Variants in HIVEP3 observed in about 807,000 individuals in gnomAD.
HIVEP3 encodes transcription factor HIVEP3.
In HIVEP3, 49 loss-of-function variants were observed where a neutral mutation model predicts 152.8. The observed-to-expected ratio is 0.32, with a 90% confidence interval of 0.26 to 0.41. The LOEUF is 0.41. Among genes scored for constraint, HIVEP3 ranks in the 10% least tolerant of loss-of-function variants. The pLI is 1.00. For missense variants in HIVEP3, 2,790 were observed against 3,103.3 expected (o/e 0.90, Z 2.40); for synonymous variants, 1,269 against 1,289.0 (o/e 0.98, Z 0.33).
intron 1 of HIVEP3, among the ~76,000 whole-genome samples, chr1:41,761,689 ATAAG>A (rs1647693438): frequency 6.6e-6 from 1 of 151,820 alleles, no homozygotes; most frequent in Admixed American, 6.6e-5. Flanking sequence ...GTATGAGTAA[ATAAG>A]TGTGTGTGTG....
At chr1:41,765,043 T>C (rs1249847993) in intron 1 of HIVEP3, among the ~76,000 whole-genome samples, 1 of 152,214 alleles carries the variant, frequency 6.6e-6, no homozygotes, top group African/African-American at 2.4e-5. Flanking sequence ...AACCTCAGAG[T>C]GCACAGCACC....
intron 1 of HIVEP3, among the ~76,000 whole-genome samples, chr1:41,915,880 C>T (rs549141957): frequency 4.6e-5 from 7 of 152,240 alleles, no homozygotes; most frequent in South Asian, 4.2e-4. Flanking sequence ...CAGCCCTGCC[C>T]GCCTAGTGCA....
In HIVEP3 at chr1:41,734,322, T is replaced by C. The variant is rs188334388; in HGVS notation, c.-800-33327A>G. On this transcript the variant is annotated intron_variant, in intron 1 of 8. Transcript: ENST00000372583. The stretch of plus-strand genomic sequence containing the variant: ...CATCTGAAAAACGGAGCAGACACCT[T>C]CTGCACAGGTTAACTAAAGAACCAG... Among the ~76,000 whole-genome samples the C allele has an allele frequency of 2.4e-3, 358 of 152,324 alleles. 2 individuals are homozygous for C. Among genetic ancestry groups the C allele is most frequent in the African/African-American group, 8.1e-3 (338 of 41,570 alleles).
chr1:41,886,163 T>C (rs777705379), intron 1 of HIVEP3, among the ~76,000 whole-genome samples: 2 of 152,208 alleles, frequency 1.3e-5, no homozygotes, highest in South Asian at 2.1e-4. Flanking sequence ...CTCATGTTCA[T>C]ATTGAATGGT....
At chr1:41,719,165 G>C (rs1466713035) in intron 1 of HIVEP3, among the ~76,000 whole-genome samples, 1 of 152,224 alleles carries the variant, frequency 6.6e-6, no homozygotes, top group Non-Finnish European at 1.5e-5. Context: ...CCTGGAGGAG[G>C]AGAGAGAGGA....
intron 3 of HIVEP3, among the ~76,000 whole-genome samples, chr1:41,615,053 G>A (rs992803551): frequency 9.9e-5 from 15 of 152,062 alleles, no homozygotes; most frequent in African/African-American, 3.1e-4. Context: ...TTTGGGAAAC[G>A]TTGTGCCATT....
intron 1 of HIVEP3, among the ~76,000 whole-genome samples, chr1:41,876,668 G>A (rs1053626364): frequency 2.0e-5 from 3 of 152,020 alleles, no homozygotes; most frequent in Admixed American, 2.0e-4. Context: ...TCCCAGCATT[G>A]TCTCTTTAAA....
At chr1:41,699,744 T>C (rs138169510) in intron 2 of HIVEP3, among the ~76,000 whole-genome samples, 82 of 152,182 alleles carry the variant, frequency 5.4e-4, no homozygotes, top group African/African-American at 1.8e-3. Context: ...TGGGCCCCTA[T>C]TGAGGTTCTG....
At chr1:41,551,124 T>C (rs1011830817) in intron 5 of HIVEP3, among the ~76,000 whole-genome samples, 9 of 152,256 alleles carry the variant, frequency 5.9e-5, no homozygotes, top group African/African-American at 2.2e-4. Flanking sequence ...TCTGCATCTA[T>C]TGAGATAATC....
chr1:41,702,737 G>T (rs1646381444), intron 1 of HIVEP3, among the ~76,000 whole-genome samples: 1 of 152,182 alleles, frequency 6.6e-6, no homozygotes, highest in African/African-American at 2.4e-5. Flanking sequence ...CTAGCACAAG[G>T]CCGGTCTCCC....
chr1:41,782,694 T>C lies in HIVEP3; in HGVS notation c.-800-81699A>G, dbSNP rs373019896. Among the ~76,000 whole-genome samples the C allele has an allele frequency of 8.2e-5, 12 of 146,584 alleles. No homozygotes were observed. The South Asian group carries it at 2.6e-3, about 31-fold the overall frequency. On this transcript the variant is annotated intron_variant, in intron 1 of 8. Coordinates refer to ENST00000372583, the MANE Select transcript of HIVEP3 (RefSeq NM_024503.5). The stretch of plus-strand genomic sequence containing the variant: ...TTGCAGTGAGCTGAGACCAAGCCAT[T>C]GCACTCCAGCCTGGGCAACAGAGCA...
Position 41,510,932 on chromosome 1 carries a change from G to C in HIVEP3, c.6740C>G (p.Thr2247Ser). Residue 2247 changes from threonine to serine, a missense_variant, in exon 9 of 9, where the codon ACT (threonine) becomes AGT (serine). Thr to Ser is a moderately conservative substitution (Grantham distance 58, BLOSUM62 1). Coordinates refer to ENST00000372583, the MANE Select transcript of HIVEP3 (RefSeq NM_024503.5). ...EAQERGRWSP[T>S]ESSSASVSPV... ...CGACACGGAGGCTGACGAGCTCTCA[G>C]TGGGACTCCAGCGGCCTCGCTCCTG... The C allele has an allele frequency of 2.5e-6, 4 of 1,613,602 alleles. No individual in the cohort carries two copies. Among genetic ancestry groups the C allele is most frequent in the Non-Finnish European group, 3.4e-6 (4 of 1,179,890 alleles).
At chr1:41,894,739 C>T (rs1433737809) in intron 1 of HIVEP3, among the ~76,000 whole-genome samples, 1 of 152,198 alleles carries the variant, frequency 6.6e-6, no homozygotes, top group African/African-American at 2.4e-5. Context: ...CTGCGAATGA[C>T]ATCTTAGGCC....
At chr1:41,907,245 C>A (rs750326389) in intron 1 of HIVEP3, among the ~76,000 whole-genome samples, 2 of 152,160 alleles carry the variant, frequency 1.3e-5, no homozygotes, top group Non-Finnish European at 2.9e-5. Context: ...TCCTTGATAA[C>A]CCCTGAATTG....
At chr1:41,744,183 C>T (rs988988296) in intron 1 of HIVEP3, among the ~76,000 whole-genome samples, 3 of 152,132 alleles carry the variant, frequency 2.0e-5, no homozygotes, top group Admixed American at 6.5e-5. Flanking sequence ...GGACTACAGG[C>T]GCCTGCCACC....
intron 5 of HIVEP3, among the ~76,000 whole-genome samples, chr1:41,545,170 C>T (rs1429406861): frequency 7.5e-6 from 1 of 134,030 alleles, no homozygotes; most frequent in Non-Finnish European, 1.6e-5. Flanking sequence ...ACCACCATCG[C>T]TACCATTACC....
At chr1:41,573,711 T>C (rs1428630952) in intron 5 of HIVEP3, among the ~76,000 whole-genome samples, 1 of 152,158 alleles carries the variant, frequency 6.6e-6, no homozygotes, top group East Asian at 1.9e-4. Flanking sequence ...ATTTTCCCCC[T>C]TTTACAAATG....
intron 1 of HIVEP3, among the ~76,000 whole-genome samples, chr1:41,997,579 C>A (rs1645403348): frequency 6.6e-6 from 1 of 152,166 alleles, no homozygotes; most frequent in African/African-American, 2.4e-5. Context: ...TCGAATTGTG[C>A]AAGTTTTAAA....
intron 1 of HIVEP3, among the ~76,000 whole-genome samples, chr1:41,982,917 G>A (rs1195731344): frequency 2.0e-5 from 3 of 152,136 alleles, no homozygotes; most frequent in South Asian, 4.2e-4. Context: ...CTAGAGCAGC[G>A]GTCCCCAATC....
Sources: allele counts gnomAD v4.1 joint callset (sites outside exome capture counted in the v4.1 genomes callset), GRCh38; gene constraint gnomAD v4.1.1; transcripts MANE v1.5; gene names NCBI Gene and HGNC (gene_info 2026-07-23, HGNC 2026-07-21).